FAAH2: variants seen among roughly 807,000 people sequenced by gnomAD.
FAAH2 encodes fatty acid amide hydrolase 2.
In FAAH2, 60 loss-of-function variants were observed where a neutral mutation model predicts 36.9. The observed-to-expected ratio is 1.63, with a 90% CI of 1.32 to 2.02. The LOEUF is 2.02. Ranked by LOEUF, FAAH2 falls within the 30% of genes most tolerant of loss-of-function variation. FAAH2 has a pLI of 0.00. For missense variants in FAAH2, 689 were observed against 397.5 expected (o/e 1.73, Z -6.23); for synonymous variants, 214 against 143.8 (o/e 1.49, Z -3.49).
At chrX:57,202,755 G>T in the FAAH2 span, among the ~76,000 whole-genome samples, 2 of 112,146 alleles carry the variant, frequency 1.8e-5, no homozygotes, top group Non-Finnish European at 3.8e-5. Context: ...GGGAAAGTCT[G>T]TAGATGTCAT....
At chrX:57,381,105 C>A in intron 7 of FAAH2, 76 bp downstream of exon 7, 1 of 718,436 alleles carries the variant, frequency 1.4e-6, no homozygotes, top group Non-Finnish European at 2.1e-6. Flanking sequence ...ACTTCACTTA[C>A]TGCCAAATAT....
chrX:57,487,371 A>C, intron 10 of FAAH2, among the ~76,000 whole-genome samples: 1 of 111,749 alleles, frequency 8.9e-6, no homozygotes, highest in Non-Finnish European at 1.9e-5. Context: ...GAATATTTGC[A>C]AATTATATAA....
At chrX:57,421,900 G>A (rs1401588243) in intron 7 of FAAH2, among the ~76,000 whole-genome samples, 1 of 111,633 alleles carries the variant, frequency 9.0e-6, no homozygotes, top group Non-Finnish European at 1.9e-5. Flanking sequence ...TAAATCCAAT[G>A]AGAATTATGT....
intron 7 of FAAH2, among the ~76,000 whole-genome samples, chrX:57,417,337 T>A (rs190900869): frequency 1.8e-5 from 2 of 112,298 alleles, no homozygotes; most frequent in East Asian, 5.6e-4. Flanking sequence ...AGGCTCTTTG[T>A]GCTGTTTTTT....
intron 2 of FAAH2, among the ~76,000 whole-genome samples, chrX:57,309,169 C>T (rs1439174821): frequency 3.6e-5 from 4 of 111,925 alleles, no homozygotes; most frequent in Non-Finnish European, 7.5e-5. Context: ...GATTGTATTA[C>T]CACATACATT....
chrX:57,484,200 T>C (rs867490115), intron 10 of FAAH2, among the ~76,000 whole-genome samples: 3 of 111,051 alleles, frequency 2.7e-5, no homozygotes, highest in Admixed American at 9.6e-5. Flanking sequence ...AAGATGGGTA[T>C]TTCATCTCTG....
At chrX:57,274,095 C>A in the FAAH2 span, among the ~76,000 whole-genome samples, 1 of 111,822 alleles carries the variant, frequency 8.9e-6, no homozygotes, top group Non-Finnish European at 1.9e-5. Flanking sequence ...ACTGATCCCA[C>A]AGAAATAAAA....
chrX:57,132,213 T>A, the FAAH2 span, among the ~76,000 whole-genome samples: 2 of 112,382 alleles, frequency 1.8e-5, no homozygotes, highest in Non-Finnish European at 3.8e-5. Flanking sequence ...CGGTTTTAAA[T>A]CAGTGACAAA....
chrX:57,389,790 T>G (rs1188140732), intron 7 of FAAH2, among the ~76,000 whole-genome samples: 1 of 111,114 alleles, frequency 9.0e-6, no homozygotes, highest in African/African-American at 3.3e-5. Context: ...TTTGAATGGC[T>G]GTACAAATTT....
chrX:57,275,825 A>C, the FAAH2 span, among the ~76,000 whole-genome samples: 1 of 112,124 alleles, frequency 8.9e-6, no homozygotes, highest in Non-Finnish European at 1.9e-5. Context: ...AGAGACAAAG[A>C]AGGCCATTAC....
chrX:57,383,305 A>G (rs750060053), intron 7 of FAAH2, among the ~76,000 whole-genome samples: 13 of 112,070 alleles, frequency 1.2e-4, no homozygotes, highest in African/African-American at 4.2e-4. Flanking sequence ...TATGCAACAT[A>G]GTGTTGGAAG....
chrX:57,443,162 C>T (rs950096403), intron 8 of FAAH2, among the ~76,000 whole-genome samples: 2 of 111,767 alleles, frequency 1.8e-5, no homozygotes, highest in African/African-American at 3.3e-5. Flanking sequence ...TGGCCTGCCT[C>T]GCTAGGTTCT....
chrX:57,196,467 T>C, the FAAH2 span, among the ~76,000 whole-genome samples: 1 of 111,259 alleles, frequency 9.0e-6, no homozygotes, highest in East Asian at 2.8e-4. Flanking sequence ...TCTGGATGAG[T>C]CTTTAGGGTT....
intron 4 of FAAH2, among the ~76,000 whole-genome samples, chrX:57,336,001 A>G (rs2053542077): frequency 9.0e-6 from 1 of 111,653 alleles, no homozygotes; most frequent in South Asian, 3.7e-4. Context: ...GGGTAGGGTT[A>G]CAGATCAACA....
chrX:57,318,890 C>T (rs1198623810), intron 3 of FAAH2, among the ~76,000 whole-genome samples: 1 of 111,725 alleles, frequency 9.0e-6, no homozygotes, highest in African/African-American at 3.3e-5. Flanking sequence ...AAACATAATC[C>T]ATCACTTAAA....
the FAAH2 span, among the ~76,000 whole-genome samples, chrX:57,273,414 A>G: frequency 8.9e-6 from 1 of 111,782 alleles, no homozygotes; most frequent in Non-Finnish European, 1.9e-5. Flanking sequence ...AGCCGACCTA[A>G]TAGACTTCTA....
the FAAH2 span, among the ~76,000 whole-genome samples, chrX:57,247,018 C>G: frequency 9.0e-6 from 1 of 111,357 alleles, no homozygotes; most frequent in Non-Finnish European, 1.9e-5. Flanking sequence ...ATTTTATATA[C>G]TTTTCATATT....
At chrX:57,403,385 C>A (rs1439044084) in intron 7 of FAAH2, among the ~76,000 whole-genome samples, 1 of 112,566 alleles carries the variant, frequency 8.9e-6, no homozygotes, top group Non-Finnish European at 1.9e-5. Context: ...TTCTTGACCA[C>A]AAAGAAAGGG....
At chrX:57,329,912 C>T (rs181791563) in intron 3 of FAAH2, among the ~76,000 whole-genome samples, 32 of 112,100 alleles carry the variant, frequency 2.9e-4, no homozygotes, top group African/African-American at 6.2e-4. Context: ...TTCATGGACA[C>T]TTATCACTTC....
Sources: gnomAD v4.1 joint callset for allele counts (sites outside exome capture counted in the v4.1 genomes callset) on GRCh38, gnomAD v4.1.1 for gene constraint, MANE v1.5 for transcripts, NCBI Gene and HGNC (gene_info 2026-07-23, HGNC 2026-07-21) for gene names.